The following WWC1 variants were observed in gnomAD, a reference collection of about 807,000 sequenced individuals.
WWC1 encodes the protein protein KIBRA.
In WWC1, 55 loss-of-function variants were observed where a neutral mutation model predicts 138.4. That is an observed-to-expected ratio of 0.40 (90% CI 0.32 to 0.50). The LOEUF is 0.50. Among genes scored for constraint, WWC1 ranks in the 20% least tolerant of loss-of-function variants. The pLI is 0.72. For missense variants in WWC1, 1,226 were observed against 1,420.4 expected (o/e 0.86, Z 2.20); for synonymous variants, 524 against 564.9 (o/e 0.93, Z 1.03).
chr5:168,365,463 C>T (rs1265243390), intron 1 of WWC1, among the ~76,000 whole-genome samples: 1 of 152,184 alleles, frequency 6.6e-6, no homozygotes, highest in Non-Finnish European at 1.5e-5. Flanking sequence ...TCTTCAGTCC[C>T]GAGAGAATCA....
chr5:168,447,660 C>G (rs191083353), intron 17 of WWC1, among the ~76,000 whole-genome samples: 1 of 152,214 alleles, frequency 6.6e-6, no homozygotes, highest in Admixed American at 6.5e-5. Flanking sequence ...TTTTACTCTT[C>G]TCTCTTACTA....
At chr5:168,367,343 T>G (rs1352505741) in intron 1 of WWC1, among the ~76,000 whole-genome samples, 1 of 152,078 alleles carries the variant, frequency 6.6e-6, no homozygotes, top group Non-Finnish European at 1.5e-5. Context: ...ATTTACTTAT[T>G]TATTTTGAGA....
intron 21 of WWC1, 113 bp downstream of exon 21, chr5:168,465,075 C>A: frequency 7.0e-7 from 1 of 1,433,110 alleles, no homozygotes; most frequent in Non-Finnish European, 9.2e-7. Context: ...ATTCCCACCA[C>A]AGGTTCCACT....
intron 1 of WWC1, among the ~76,000 whole-genome samples, chr5:168,357,155 A>G (rs1173150275): frequency 2.6e-5 from 4 of 152,108 alleles, no homozygotes; most frequent in Non-Finnish European, 5.9e-5. Flanking sequence ...CCCTGCTGGG[A>G]ATTCCAATGA....
chr5:168,319,767 G>A (rs1771905352), intron 1 of WWC1, among the ~76,000 whole-genome samples: 1 of 152,184 alleles, frequency 6.6e-6, no homozygotes, highest in African/African-American at 2.4e-5. Flanking sequence ...CTCCCATAGT[G>A]TTGGGATTAC....
intron 1 of WWC1, among the ~76,000 whole-genome samples, chr5:168,364,801 C>T (rs1776163247): frequency 6.6e-6 from 1 of 152,172 alleles, no homozygotes; most frequent in Non-Finnish European, 1.5e-5. Context: ...CTGACCTCCG[C>T]CTCCACTTCA....
intron 19 of WWC1, among the ~76,000 whole-genome samples, chr5:168,459,066 C>A (rs966291023): frequency 2.6e-4 from 39 of 152,030 alleles, no homozygotes; most frequent in African/African-American, 9.2e-4. Flanking sequence ...CCAGCCTGGG[C>A]AACATGGTGA....
chr5:168,436,290 T>C (rs1782345651), intron 15 of WWC1, among the ~76,000 whole-genome samples: 1 of 152,158 alleles, frequency 6.6e-6, no homozygotes, highest in South Asian at 2.1e-4. Flanking sequence ...CAAAATCCTT[T>C]GCCCTTGCTT....
At chr5:168,438,017 G>A (rs1293638524) in intron 15 of WWC1, among the ~76,000 whole-genome samples, 1 of 152,148 alleles carries the variant, frequency 6.6e-6, no homozygotes, top group Non-Finnish European at 1.5e-5. Flanking sequence ...CATTTATTCT[G>A]GGTGTCTGAA....
chr5:168,309,888 G>A (rs1300117496), intron 1 of WWC1, among the ~76,000 whole-genome samples: 1 of 152,108 alleles, frequency 6.6e-6, no homozygotes, highest in Non-Finnish European at 1.5e-5. Flanking sequence ...TCATTTCTGT[G>A]TCTAGACAAG....
At chr5:168,373,751 A>G (rs1776938031) in intron 2 of WWC1, among the ~76,000 whole-genome samples, 1 of 103,684 alleles carries the variant, frequency 9.6e-6, no homozygotes, top group Admixed American at 1.2e-4. Flanking sequence ...AAAAAAAAAA[A>G]AAAGGTGGGG....
chr5:168,312,251 T>C (rs1771169888), intron 1 of WWC1, among the ~76,000 whole-genome samples: 1 of 152,130 alleles, frequency 6.6e-6, no homozygotes, highest in African/African-American at 2.4e-5. Context: ...CAAGATTTTA[T>C]TGAGTGCAAA....
chr5:168,410,995 C>CGCG (rs1411978353), intron 8 of WWC1, among the ~76,000 whole-genome samples: 3 of 133,914 alleles, frequency 2.2e-5, no homozygotes, highest in African/African-American at 8.7e-5. Flanking sequence ...AGTGCAGTGG[C>CGCG]GCGATCTGCA....
Position 168,396,032 on chromosome 5 carries a change from A to G in WWC1, c.434-1692A>G, listed in dbSNP as rs371044388. ...CAGCAATCACCAAATAAGCTTCTCT[A>G]TCCTCAGAAAAACCCAGATCTCAGC... On this transcript the variant is annotated intron_variant, in intron 3 of 22. Coordinates refer to ENST00000265293, the MANE Select transcript of WWC1 (RefSeq NM_015238.3). Among the ~76,000 whole-genome samples the G allele has an allele frequency of 1.4e-4, 21 of 152,360 alleles. No individual in the cohort carries two copies. In the East Asian group the frequency reaches 2.3e-3, roughly 17 times the overall value.
rs1780435545 is a variant in WWC1, at chr5:168,414,368, A to G, written c.962A>G (p.Gln321Arg). ...CCCAGGATCGCCAACCTGAAGATCCAGCTGGCCAAGCTTGACAGTGAGGCC... is the reference window on the plus strand; with the variant it reads ...CCCAGGATCGCCAACCTGAAGATCCGGCTGGCCAAGCTTGACAGTGAGGCC... ...AKRRIANLKI[Q>R]LAKLDSEAWP... Residue 321 changes from glutamine to arginine, a missense_variant, in exon 9 of 23, where the codon CAG becomes CGG. By Grantham distance (43) the Gln-to-Arg change is conservative (BLOSUM62 1). This residue lies in a region of WWC1 where 1,016 missense variants were observed against 1,153.9 expected (regional missense o/e 0.88). Coordinates refer to ENST00000265293, the MANE Select transcript of WWC1 (RefSeq NM_015238.3). 2.5e-6 allele frequency: 4 copies of G among 1,611,040 alleles called. No homozygotes were observed. The South Asian group carries it at 4.4e-5, about 18-fold the overall frequency.
chr5:168,302,439 C>T (rs951857890), intron 1 of WWC1, among the ~76,000 whole-genome samples: 3 of 152,096 alleles, frequency 2.0e-5, no homozygotes, highest in Non-Finnish European at 4.4e-5. Context: ...CGCATTATGA[C>T]TGGGGGTTTG....
intron 1 of WWC1, among the ~76,000 whole-genome samples, chr5:168,331,181 A>G (rs1008466890): frequency 2.2e-4 from 33 of 152,188 alleles, no homozygotes; most frequent in African/African-American, 8.0e-4. Context: ...GACACTGACA[A>G]GTCTAAGGTA....
chr5:168,386,427 C>T (rs1236765065), intron 3 of WWC1, among the ~76,000 whole-genome samples: 3 of 149,852 alleles, frequency 2.0e-5, no homozygotes, highest in African/African-American at 4.9e-5. Context: ...GAGTCTCGCT[C>T]TGTTGCCCAG....
chr5:168,403,006 T>TTCTCTTTC (rs1220927332), intron 5 of WWC1, among the ~76,000 whole-genome samples: 5 of 105,608 alleles, frequency 4.7e-5, no homozygotes, highest in African/African-American at 1.8e-4. Context: ...TGTTGTTTCT[T>TTCTCTTTC]TTTCTTTCTT....
Sources: allele counts gnomAD v4.1 joint callset (sites outside exome capture counted in the v4.1 genomes callset), GRCh38; gene constraint gnomAD v4.1.1; regional missense constraint gnomAD v4.1.1; transcripts MANE v1.5; gene names NCBI Gene and HGNC (gene_info 2026-07-23, HGNC 2026-07-21).